DNAJC1: variants seen among roughly 807,000 people sequenced by gnomAD.
The protein encoded by DNAJC1 is dnaJ homolog subfamily C member 1.
Under a neutral mutation model 76.6 loss-of-function variants are expected in DNAJC1, and 58 were observed. The ratio of observed to expected loss-of-function variants is 0.76; its 90% CI spans 0.61 to 0.94. The LOEUF (loss-of-function observed/expected upper bound fraction) is 0.94, where lower values mean the gene tolerates loss of function less well. DNAJC1 is among the 40% of genes least tolerant of loss of function. The pLI, the probability that DNAJC1 is intolerant of heterozygous loss-of-function variation, is 0.00. For missense variants in DNAJC1, 689 were observed against 677.3 expected, an observed-to-expected ratio of 1.02 and a Z score of -0.19; for synonymous variants, 258 against 267.9, an observed-to-expected ratio of 0.96 and a Z score of 0.36.
At chr10:21,883,290 A>G (rs944762936) in intron 7 of DNAJC1, among the ~76,000 whole-genome samples, 16 of 148,424 alleles carry the variant, frequency 1.1e-4, no homozygotes, top group African/African-American at 4.1e-4. Flanking sequence ...ACACACACAC[A>G]CACACCATTT....
intron 8 of DNAJC1, among the ~76,000 whole-genome samples, chr10:21,867,010 C>T (rs950153144): frequency 2.6e-5 from 4 of 152,052 alleles, no homozygotes; most frequent in Non-Finnish European, 4.4e-5. Flanking sequence ...GGCTTTTCAG[C>T]TAATGCTGAT....
chr10:21,759,041 T>C (rs1356671709), intron 11 of DNAJC1, 129 bp downstream of exon 11: 16 of 945,300 alleles, frequency 1.7e-5, no homozygotes, highest in Non-Finnish European at 2.2e-5. Context: ...GGAAGATAAA[T>C]GGGAAAGAAG....
intron 8 of DNAJC1, among the ~76,000 whole-genome samples, chr10:21,826,237 C>CAAAAAAAA (rs538301271): frequency 1.3e-5 from 1 of 77,492 alleles, no homozygotes; most frequent in Non-Finnish European, 2.3e-5. Context: ...AGACTTTGTC[C>CAAAAAAAA]AAAAAAAAAA....
chr10:21,782,219 A>T (rs1357140869), intron 9 of DNAJC1, among the ~76,000 whole-genome samples: 8 of 152,346 alleles, frequency 5.3e-5, no homozygotes, highest in Non-Finnish European at 1.0e-4. Flanking sequence ...ATCACCACTG[A>T]TCCCAGAGAA....
chr10:21,988,918 G>A (rs1258952356), intron 1 of DNAJC1, among the ~76,000 whole-genome samples: 3 of 152,176 alleles, frequency 2.0e-5, no homozygotes. Context: ...TTTCACGACA[G>A]TTCAGGACTC....
chr10:21,891,447 A>T (rs1307355364), intron 7 of DNAJC1, among the ~76,000 whole-genome samples: 1 of 150,830 alleles, frequency 6.6e-6, no homozygotes, highest in Non-Finnish European at 1.5e-5. Flanking sequence ...AGAAAAACAT[A>T]AAGTGCCCAA....
rs144268678 is a variant in DNAJC1, at chr10:21,967,779, A to T, written c.222+35434T>A. On this transcript the variant is annotated intron_variant, in intron 1 of 11. Transcript: ENST00000376980. Reference sequence around the variant, plus strand: ...ATTCTGCGGACTCGAGTTTTCATCAATTATCAGTACACAAGAAGAGGACAC... The same window carrying T: ...ATTCTGCGGACTCGAGTTTTCATCATTTATCAGTACACAAGAAGAGGACAC... 7.9e-4 allele frequency among the ~76,000 whole-genome samples: 120 copies of T among 152,240 alleles called. 1 individual carries two copies. In the East Asian group the frequency reaches 0.02, roughly 25 times the overall value.
At chr10:21,931,431 T>C (rs955269285) in intron 1 of DNAJC1, among the ~76,000 whole-genome samples, 8 of 152,232 alleles carry the variant, frequency 5.3e-5, no homozygotes, top group African/African-American at 1.2e-4. Flanking sequence ...TTTTCTTATC[T>C]ACAAAGACAT....
At chr10:21,904,137 T>A (rs887995463) in intron 7 of DNAJC1, among the ~76,000 whole-genome samples, 2 of 152,142 alleles carry the variant, frequency 1.3e-5, no homozygotes, top group African/African-American at 4.8e-5. Context: ...ACAAAAATCA[T>A]TGGTATTTTC....
At chr10:21,851,910 T>C (rs138952537) in intron 8 of DNAJC1, among the ~76,000 whole-genome samples, 5,412 of 151,704 alleles carry the variant, frequency 0.036, 170 homozygotes, top group African/African-American at 0.071. Flanking sequence ...AAAAATTAGC[T>C]GGCCTGGTGG....
chr10:21,777,365 A>G (rs1834465509), intron 9 of DNAJC1, among the ~76,000 whole-genome samples: 1 of 152,234 alleles, frequency 6.6e-6, no homozygotes, highest in South Asian at 2.1e-4. Flanking sequence ...CTGCAAATAT[A>G]CTTTGCCTTA....
intron 1 of DNAJC1, among the ~76,000 whole-genome samples, chr10:21,963,071 A>G (rs946557424): frequency 6.6e-6 from 1 of 152,216 alleles, no homozygotes; most frequent in Non-Finnish European, 1.5e-5. Flanking sequence ...CTTGCTCCTA[A>G]GAACCCGTTT....
At chr10:21,847,729 T>C (rs1013028764) in intron 8 of DNAJC1, among the ~76,000 whole-genome samples, 2 of 152,146 alleles carry the variant, frequency 1.3e-5, no homozygotes, top group African/African-American at 4.8e-5. Context: ...TAACATAACG[T>C]CCTCTAGTTC....
intron 8 of DNAJC1, among the ~76,000 whole-genome samples, chr10:21,828,463 A>C (rs192123825): frequency 2.0e-4 from 31 of 152,350 alleles, no homozygotes; most frequent in African/African-American, 6.3e-4. Context: ...TTACAAGTTA[A>C]TGTACAGAGT....
rs1398730072 is a variant in DNAJC1 at position 21,920,953 on chromosome 10, T to A, written c.382A>T (p.Ile128Phe). ...CAATCTGGAAGTCCATTGATCAGAATATCATCATACCTACAGTACAAATAT... is the reference window on the plus strand; with the variant it reads ...CAATCTGGAAGTCCATTGATCAGAAAATCATCATACCTACAGTACAAATAT... ...DDERRQRYDDILINGLPDWRQ... is the reference protein window; with the variant it reads ...DDERRQRYDDFLINGLPDWRQ... Residue 128 changes from isoleucine (I) to phenylalanine (F), a missense_variant, in exon 4 of 12, where the codon ATT (isoleucine) becomes TTT (phenylalanine). Ile to Phe is a conservative substitution (Grantham distance 21). Transcript: ENST00000376980. The A allele has an allele frequency of 6.2e-7, 1 of 1,608,924 alleles. No homozygotes were observed. Among genetic ancestry groups the A allele is most frequent in the African/African-American group, 1.3e-5 (1 of 74,736 alleles).
rs747599933 is a variant in DNAJC1, at chr10:21,863,001, G to A, written c.978+19281C>T. On this transcript the variant is annotated intron_variant, in intron 8 of 11. Coordinates refer to ENST00000376980, the MANE Select transcript of DNAJC1 (RefSeq NM_022365.4). ...TACAAAATTAGCAAGGCATGGTGGC[G>A]CATGCCTGTAATCCCAGCTACTCAG... Among the ~76,000 whole-genome samples the A allele has an allele frequency of 7.2e-5, 11 of 151,952 alleles. No individual in the cohort carries two copies. The East Asian group carries it at 1.6e-3, about 21-fold the overall frequency.
At chr10:21,918,756 T>C in intron 6 of DNAJC1, 23 bp downstream of exon 6, 1 of 1,537,660 alleles carries the variant, frequency 6.5e-7, no homozygotes, top group Non-Finnish European at 9.0e-7. Context: ...GATCTAATGT[T>C]ATATAAAAGA....
At chr10:21,996,816 A>G (rs887553733) in intron 1 of DNAJC1, among the ~76,000 whole-genome samples, 5 of 152,224 alleles carry the variant, frequency 3.3e-5, no homozygotes, top group African/African-American at 1.2e-4. Flanking sequence ...ACTAAACTAT[A>G]CATATCACAA....
chr10:21,897,501 C>T (rs577749920), intron 7 of DNAJC1, among the ~76,000 whole-genome samples: 1 of 152,252 alleles, frequency 6.6e-6, no homozygotes, highest in East Asian at 1.9e-4. Flanking sequence ...ACTTAGGAAC[C>T]AGACCGCCTA....
Sources: gnomAD v4.1 joint callset for allele counts (sites outside exome capture counted in the v4.1 genomes callset) on GRCh38, gnomAD v4.1.1 for gene constraint, MANE v1.5 for transcripts, NCBI Gene and HGNC (gene_info 2026-07-23, HGNC 2026-07-21) for gene names.